TRPS1: variants seen among roughly 807,000 people sequenced by gnomAD.
TRPS1 encodes the protein transcriptional repressor GATA binding 1, also known as zinc finger transcription factor Trps1.
In TRPS1, 6 loss-of-function variants were observed where a neutral mutation model predicts 101.2. That is an observed-to-expected ratio of 0.06 (90% confidence interval 0.03 to 0.12). The LOEUF is 0.12. Among genes scored for constraint, TRPS1 ranks in the 10% least tolerant of loss-of-function variants. The pLI, the probability that TRPS1 is intolerant of heterozygous loss-of-function variation, is 1.00. For missense variants in TRPS1, 1,363 were observed against 1,567.0 expected (o/e 0.87, Z 2.20); for synonymous variants, 578 against 589.8 (o/e 0.98, Z 0.29).
At chr8:115,415,163 T>A in intron 6 of TRPS1, 79 bp from the exon 7 acceptor site, 1 of 1,419,506 alleles carries the variant, frequency 7.0e-7, no homozygotes, top group Non-Finnish European at 9.5e-7. Flanking sequence ...CTCACAAATA[T>A]AAACCATGCT....
intron 5 of TRPS1, among the ~76,000 whole-genome samples, chr8:115,566,366 G>A (rs1817067922): frequency 6.6e-6 from 1 of 152,114 alleles, no homozygotes; most frequent in Non-Finnish European, 1.5e-5. Context: ...CACACCTGTT[G>A]CTCAAGGCCA....
intron 5 of TRPS1, among the ~76,000 whole-genome samples, chr8:115,498,405 CTCTCTCTCTCTATATATA>C (rs1447946200): frequency 2.3e-4 from 20 of 85,662 alleles, no homozygotes; most frequent in African/African-American, 8.1e-4. Context: ...CTCTCTCTCT[CTCTCTCTCTCTATATATA>C]TATATATATA....
At chr8:115,519,207 T>A (rs1554581122) in intron 5 of TRPS1, among the ~76,000 whole-genome samples, 1 of 151,676 alleles carries the variant, frequency 6.6e-6, no homozygotes, top group Non-Finnish European at 1.5e-5. Flanking sequence ...ACATGTCATT[T>A]AAAAAAATGA....
chr8:115,423,148 T>C (rs558499764), intron 5 of TRPS1, among the ~76,000 whole-genome samples: 1 of 152,310 alleles, frequency 6.6e-6, no homozygotes, highest in African/African-American at 2.4e-5. Flanking sequence ...CAAAGCTACA[T>C]GAGGCAGCTC....
At chr8:115,581,288 T>C (rs368166070) in intron 5 of TRPS1, among the ~76,000 whole-genome samples, 3 of 151,966 alleles carry the variant, frequency 2.0e-5, no homozygotes, top group East Asian at 1.9e-4. Context: ...GGCAGAGATT[T>C]GTTGAAGGAT....
chr8:115,639,517 TA>T (rs1294233327), intron 1 of TRPS1, among the ~76,000 whole-genome samples: 21 of 152,072 alleles, frequency 1.4e-4, no homozygotes, highest in African/African-American at 4.8e-4. Context: ...AAACAGCTTG[TA>T]CACTAAAAAT....
At chr8:115,558,063 T>C (rs1055029891) in intron 5 of TRPS1, among the ~76,000 whole-genome samples, 6 of 151,554 alleles carry the variant, frequency 4.0e-5, no homozygotes, top group African/African-American at 1.2e-4. Flanking sequence ...CGAGGACAGT[T>C]CTAAGCTCAA....
intron 4 of TRPS1, among the ~76,000 whole-genome samples, chr8:115,595,383 G>T (rs1037300477): frequency 2.0e-5 from 3 of 151,882 alleles, no homozygotes; most frequent in Admixed American, 1.3e-4. Flanking sequence ...CAGTCCTTGA[G>T]AACTGTAAAC....
At chr8:115,601,436 C>T (rs1817905179) in intron 4 of TRPS1, among the ~76,000 whole-genome samples, 1 of 152,150 alleles carries the variant, frequency 6.6e-6, no homozygotes, top group Non-Finnish European at 1.5e-5. Flanking sequence ...GTTCAGCTTT[C>T]AGTCGAGTTT....
chr8:115,612,958 T>C (rs1362329355), intron 3 of TRPS1, among the ~76,000 whole-genome samples: 1 of 152,088 alleles, frequency 6.6e-6, no homozygotes, highest in Non-Finnish European at 1.5e-5. Context: ...TTGGAGGACA[T>C]AAATGGGAAT....
chr8:115,608,012 T>G (rs2130502459), intron 3 of TRPS1, among the ~76,000 whole-genome samples: 1 of 152,300 alleles, frequency 6.6e-6, no homozygotes, highest in South Asian at 2.1e-4. Context: ...TGAGAACAAT[T>G]ATGCAAAATA....
chr8:115,553,953 A>G (rs1181391842), intron 5 of TRPS1, among the ~76,000 whole-genome samples: 1 of 152,152 alleles, frequency 6.6e-6, no homozygotes, highest in East Asian at 1.9e-4. Context: ...TATTTGCTAA[A>G]CTTGAATTCC....
intron 5 of TRPS1, among the ~76,000 whole-genome samples, chr8:115,471,563 C>G (rs760567473): frequency 7.9e-5 from 12 of 152,122 alleles, no homozygotes; most frequent in Non-Finnish European, 1.6e-4. Context: ...AAATCTCATG[C>G]CCTCACATTT....
intron 4 of TRPS1, among the ~76,000 whole-genome samples, chr8:115,593,905 T>A (rs1817731359): frequency 6.6e-6 from 1 of 152,128 alleles, no homozygotes; most frequent in African/African-American, 2.4e-5. Flanking sequence ...GTGATTAAAA[T>A]CACATATGCC....
At chr8:115,527,438 A>C (rs1179319107) in intron 5 of TRPS1, among the ~76,000 whole-genome samples, 1 of 152,096 alleles carries the variant, frequency 6.6e-6, no homozygotes, top group Non-Finnish European at 1.5e-5. Context: ...AGATCATACT[A>C]TTCCTGACAA....
intron 5 of TRPS1, among the ~76,000 whole-genome samples, chr8:115,554,846 A>G (rs1160336553): frequency 6.6e-6 from 1 of 152,122 alleles, no homozygotes; most frequent in African/African-American, 2.4e-5. Flanking sequence ...GGCCCTTTGA[A>G]AGGCGTGCCA....
intron 5 of TRPS1, among the ~76,000 whole-genome samples, chr8:115,510,258 C>T (rs1432570683): frequency 1.3e-5 from 2 of 151,934 alleles, no homozygotes; most frequent in Admixed American, 6.6e-5. Flanking sequence ...AACACTGGAT[C>T]TGTATAGCCA....
chr8:115,557,744 G>A (rs950265567), intron 5 of TRPS1, among the ~76,000 whole-genome samples: 1 of 152,114 alleles, frequency 6.6e-6, no homozygotes, highest in African/African-American at 2.4e-5. Context: ...TGCAAAGTGA[G>A]AATGAACTAA....
At position 115,638,501 on chromosome 8, in the gene TRPS1, T is replaced by C. The variant is rs144544860; in HGVS notation, c.-121-14743A>G. ...GCCTTTAAGGCCCCAAAAATTGACA[T>C]TGTTCTCAAGTGTGAGGTAACAGAC... On this transcript the variant is annotated intron_variant, in intron 1 of 6. Transcript: ENST00000395715. Among the ~76,000 whole-genome samples, 806 of 152,238 alleles carry C rather than the reference T, an allele frequency of 5.3e-3. 3 individuals carry two copies. The highest frequency in any genetic ancestry group is 8.9e-3 in the Non-Finnish European group (608 of 68,010).
Sources: gnomAD v4.1 joint callset for allele counts (sites outside exome capture counted in the v4.1 genomes callset) on GRCh38, gnomAD v4.1.1 for gene constraint, MANE v1.5 for transcripts, NCBI Gene and HGNC (gene_info 2026-07-23, HGNC 2026-07-21) for gene names.